CDH16: variants seen among roughly 807,000 people sequenced by gnomAD.
CDH16 encodes the protein cadherin-16.
In CDH16, 79 loss-of-function variants were observed where a neutral mutation model predicts 87.6. The ratio of observed to expected loss-of-function variants is 0.90; its 90% CI spans 0.75 to 1.09. CDH16 has a LOEUF of 1.09. CDH16 is among the 50% of genes least tolerant of loss of function. CDH16 has a pLI of 0.00. For missense variants in CDH16, 1,124 were observed against 1,071.7 expected (o/e 1.05, Z -0.68); for synonymous variants, 457 against 439.5 (o/e 1.04, Z -0.50).
rs748140967 is a variant in CDH16, at chr16:66,913,615, T to TG, written c.781-3dup. On this transcript the variant is annotated splice_region_variant and splice_polypyrimidine_tract_variant and intron_variant, in intron 7 of 17. Coordinates refer to ENST00000299752, the MANE Select transcript of CDH16 (RefSeq NM_004062.4). ...CACATCACCCCCACTCCAGTGTACC[T>TG]GGGGGGGACACCCCGGGCCAAGGGG... The TG allele has an allele frequency of 6.8e-6, 11 of 1,613,532 alleles. No individual in the cohort carries two copies. The African/African-American group carries it at 9.3e-5, about 14-fold the overall frequency.
intron 5 of CDH16, among the ~76,000 whole-genome samples, 153 bp downstream of exon 5, chr16:66,915,912 A>G (rs1962657860): frequency 6.6e-6 from 1 of 151,792 alleles, no homozygotes. Flanking sequence ...AAAAAGAAAA[A>G]AAGAAAAGAA....
Position 66,916,134 on chromosome 16 carries a change from C to T in CDH16, c.355G>A (p.Glu119Lys). Reference protein sequence around the residue: ...PQPVLVHVKDENDQVPHFSQA... With the variant: ...PQPVLVHVKDKNDQVPHFSQA... ...GAGAAATGGGGCACCTGGTCATTCT[C>T]ATCCTTCACGTGCACAAGCACAGGC... The change falls in exon 5 of 18, where the codon GAG (glutamate) becomes AAG (lysine). Residue 119 changes from glutamate (E) to lysine (K), a missense_variant. Transcript: ENST00000299752. The surrounding 1 kb of genome is among the most constrained non-coding windows in gnomAD (Gnocchi z 4.1). 6.2e-7 allele frequency: 1 copy of T among 1,614,248 alleles called. No individual in the cohort carries two copies.
Position 66,912,909 on chromosome 16 carries a change from G to A in CDH16, c.1055-18C>T, listed in dbSNP as rs556130113. ...TTCAGTACCTGCCAAGACAGCACCC[G>A]CCTGGATAGGACCACAGCCCAGCCT... On this transcript the variant is annotated intron_variant, in intron 9 of 17. Coordinates refer to ENST00000299752, the MANE Select transcript of CDH16 (RefSeq NM_004062.4). 31 of 1,599,160 alleles carry A rather than the reference G, an allele frequency of 1.9e-5. No individual in the cohort carries two copies. The highest frequency in any genetic ancestry group is 1.8e-4 in the South Asian group (16 of 90,742).
chr16:66,918,662 G>C (rs1962797105), intron 1 of CDH16, 142 bp downstream of exon 1: 1 of 152,450 alleles, frequency 6.6e-6, no homozygotes, highest in South Asian at 2.1e-4. Flanking sequence ...TGGGCAGGCA[G>C]AGCAGCGACA....
chr16:66,915,451 CTCCTCTG>C, intron 5 of CDH16, 73 bp from the exon 6 acceptor site: 1 of 1,481,276 alleles, frequency 6.8e-7, no homozygotes, highest in Non-Finnish European at 9.2e-7. Context: ...TCTCCTATTT[CTCCTCTG>C]TCCTTTCTTC....
At position 66,914,527 on chromosome 16, in the gene CDH16, C is replaced by G. The variant is rs374503023; in HGVS notation, c.584-115G>C. 1.0e-4 allele frequency: 75 copies of G among 729,136 alleles called. 1 individual carries two copies. In the South Asian group the frequency reaches 1.4e-3, roughly 13 times the overall value. 45.2% of individuals were successfully genotyped at this position (729,136 alleles called of 1,614,324 possible). Reference sequence around the variant, plus strand: ...GCATACAGCAGGTGATTGGGACACTCTCTTGGCCAAGGGAAGAGAGGAACT... The same window carrying G: ...GCATACAGCAGGTGATTGGGACACTGTCTTGGCCAAGGGAAGAGAGGAACT... On this transcript the variant is annotated intron_variant, in intron 6 of 17. Transcript: ENST00000299752.
rs1962662969 is a variant in CDH16 at position 66,916,008 on chromosome 16, G to A, written c.424+57C>T. 1.2e-5 allele frequency: 20 copies of A among 1,605,576 alleles called. No homozygotes were observed. The highest frequency in any genetic ancestry group is 1.6e-5 in the Non-Finnish European group (19 of 1,174,448). On this transcript the variant is annotated intron_variant, in intron 5 of 17. Transcript: ENST00000299752. This position sits in a 1 kb window ranked among gnomAD's most constrained non-coding sequence, Gnocchi z 4.1. ...CTGTCTGGCCATCTCTTCGCTCTCT[G>A]CTGTTCCATCAAGGCCCACCTGACC... is the stretch of plus-strand genomic sequence containing the variant.
rs533328241 is a variant in CDH16 at position 66,911,951 on chromosome 16, C to G, written c.1738G>C (p.Gly580Arg). 1 of 1,612,846 alleles carries G rather than the reference C, an allele frequency of 6.2e-7. No individual in the cohort carries two copies. The highest frequency in any genetic ancestry group is 8.5e-7 in the Non-Finnish European group (1 of 1,179,140). ...EASVPISAPA[G>R]SFLLTIQPSD... ...GGCTGGATGGTCAGCAGGAAAGAGC[C>G]GGCTGGGGCACTGATGGGGACACTG... The change falls in exon 13 of 18, where the codon GGC becomes CGC. Residue 580 changes from glycine to arginine, a missense_variant. Physicochemically the swap from Gly to Arg is moderately radical, Grantham distance 125. Coordinates refer to ENST00000299752, the MANE Select transcript of CDH16 (RefSeq NM_004062.4).
chr16:66,915,188 C>T, intron 6 of CDH16, 32 bp downstream of exon 6: 1 of 1,565,898 alleles, frequency 6.4e-7, no homozygotes, highest in South Asian at 1.2e-5. Context: ...TTCTCTGACC[C>T]TCCCTCCCCA....
chr16:66,914,944 C>G (rs1962612041), intron 6 of CDH16, among the ~76,000 whole-genome samples: 1 of 152,204 alleles, frequency 6.6e-6, no homozygotes, highest in Non-Finnish European at 1.5e-5. Context: ...CCAGCAGCAT[C>G]TTAGGCTACA....
rs777428878 is a variant in CDH16 at position 66,916,306 on chromosome 16, C to T, written c.253G>A (p.Asp85Asn). The T allele has an allele frequency of 8.1e-6, 13 of 1,613,938 alleles. No homozygotes were observed. The highest frequency in any genetic ancestry group is 8.5e-6 in the Non-Finnish European group (10 of 1,179,930). ...SGFLLVTRAL[D>N]REEQAEYQLQ... ...TGGTACTCTGCCTGCTCCTCTCGGT[C>T]CAGGGCCCTGGTCACCAGCAGGAAG... Residue 85 changes from aspartate (D) to asparagine (N), a missense_variant, in exon 4 of 18, where the codon GAC becomes AAC. By Grantham distance (23) the Asp-to-Asn change is conservative. Transcript: ENST00000299752. The surrounding 1 kb of genome is among the most constrained non-coding windows in gnomAD (Gnocchi z 4.1).
Position 66,909,409 on chromosome 16 carries a change from G to A in CDH16, c.2276-26C>T. ...CTGAGGGGAGAGGGGAGGAAGGTAA[G>A]GGGAGGGAGGGGAGGGCTCCCCAGC... On this transcript the variant is annotated intron_variant, in intron 16 of 17. Transcript: ENST00000299752. This position sits in a 1 kb window ranked among gnomAD's most constrained non-coding sequence, Gnocchi z 4.1. 1 of 1,372,278 alleles carries A rather than the reference G, an allele frequency of 7.3e-7. No individual in the cohort carries two copies. Among genetic ancestry groups the A allele is most frequent in the Non-Finnish European group, 1.0e-6 (1 of 971,034 alleles). The allele number at this position is 1,372,278 out of a possible 1,614,324, so 85.0% of individuals were successfully genotyped here.
At chr16:66,917,599 G>T (rs766348366) in intron 3 of CDH16, 43 bp downstream of exon 3, 1 of 1,414,646 alleles carries the variant, frequency 7.1e-7, no homozygotes, top group Non-Finnish European at 1.0e-6. Flanking sequence ...AGGACTTTGC[G>T]GGGAGGGATC....
chr16:66,913,864 C>T (rs1962552018), intron 7 of CDH16, among the ~76,000 whole-genome samples: 1 of 152,236 alleles, frequency 6.6e-6, no homozygotes, highest in Admixed American at 6.5e-5. Flanking sequence ...CCCTCTCAGC[C>T]TGGGCCTGAC....
chr16:66,914,676 G>A (rs928223458), intron 6 of CDH16, among the ~76,000 whole-genome samples: 3 of 152,204 alleles, frequency 2.0e-5, no homozygotes, highest in Admixed American at 6.5e-5. Flanking sequence ...GAGGAGATGG[G>A]TAGATGGCAG....
intron 2 of CDH16, 48 bp from the exon 3 acceptor site, chr16:66,917,773 G>C (rs1219885577): frequency 4.7e-6 from 7 of 1,496,648 alleles, no homozygotes; most frequent in Non-Finnish European, 5.5e-6. Context: ...TTCCTGCGTG[G>C]GCACTGAGAC....
At chr16:66,911,774 G>C (rs1962427470) in intron 13 of CDH16, 125 bp downstream of exon 13, 1 of 1,212,692 alleles carries the variant, frequency 8.2e-7, no homozygotes, top group South Asian at 1.6e-5. Context: ...CACAACCTTG[G>C]CATTTGCCAT....
intron 3 of CDH16, among the ~76,000 whole-genome samples, 182 bp downstream of exon 3, chr16:66,917,460 T>C (rs1190870535): frequency 1.3e-5 from 2 of 151,656 alleles, no homozygotes; most frequent in Admixed American, 6.6e-5. Context: ...AAATCCAAAA[T>C]CTGAAACACT....
chr16:66,909,976 C>G lies in CDH16; in HGVS notation c.2275+10G>C, dbSNP rs1962334964. The G allele has an allele frequency of 6.3e-7, 1 of 1,588,532 alleles. No individual in the cohort carries two copies. The highest frequency in any genetic ancestry group is 8.6e-7 in the Non-Finnish European group (1 of 1,165,716). ...CAGGAACTGCAGGCTGCACCCAAGCCCAATCTCACCTCGAACCAGGAGCTG... is the reference window on the plus strand; with the variant it reads ...CAGGAACTGCAGGCTGCACCCAAGCGCAATCTCACCTCGAACCAGGAGCTG... On this transcript the variant is annotated intron_variant, in intron 16 of 17. Coordinates refer to ENST00000299752, the MANE Select transcript of CDH16 (RefSeq NM_004062.4). This position sits in a 1 kb window ranked among gnomAD's most constrained non-coding sequence, Gnocchi z 4.1.
Sources: gnomAD v4.1 joint callset for allele counts (sites outside exome capture counted in the v4.1 genomes callset) on GRCh38, gnomAD v4.1.1 for gene constraint, Gnocchi (gnomAD v3.1) non-coding constraint, MANE v1.5 for transcripts, NCBI Gene and HGNC (gene_info 2026-07-23, HGNC 2026-07-21) for gene names.